TREM2: variants seen among roughly 807,000 people sequenced by gnomAD.
TREM2 encodes the protein triggering receptor expressed on myeloid cells 2.
Under a neutral mutation model 22.9 loss-of-function variants are expected in TREM2, and 20 were observed. The observed-to-expected ratio is 0.87, with a 90% CI of 0.61 to 1.27. TREM2 has a LOEUF of 1.27. Among genes scored for constraint, TREM2 ranks in the 50% most tolerant of loss-of-function variants. TREM2 has a pLI of 0.00. For synonymous variants in TREM2, 111 were observed against 120.9 expected (o/e 0.92, Z 0.54); for missense variants, 267 against 289.0 (o/e 0.92, Z 0.55).
rs760511786 is a variant in TREM2 at position 41,161,589 on chromosome 6, G to A, written c.65C>T (p.Thr22Ile). ...CTGGCCCGCCACGCCCTGGAACACT[G>A]TGGTGTTGTGGGCTCCGGACAGCTC... ...VTELSGAHNT[T>I]VFQGVAGQSL... is the part of the protein sequence containing the mutation. The change falls in exon 2 of 5, where the codon ACA becomes ATA. Residue 22 changes from threonine to isoleucine, a missense_variant. Thr to Ile is a moderately conservative substitution (Grantham distance 89). Coordinates refer to ENST00000373113, the MANE Select transcript of TREM2 (RefSeq NM_018965.4). 1.9e-6 allele frequency: 3 copies of A among 1,613,990 alleles called. No individual in the cohort carries two copies. Among genetic ancestry groups the A allele is most frequent in the Admixed American group, 3.3e-5 (2 of 59,998 alleles).
rs768583708 is a variant in TREM2 at position 41,158,608 on chromosome 6, C to A, written c.*156G>T. The A allele has an allele frequency of 6.1e-5, 96 of 1,568,310 alleles. 1 individual carries two copies. In the Middle Eastern group the frequency reaches 1.3e-3, roughly 22 times the overall value. On this transcript the variant is annotated 3_prime_UTR_variant, in exon 5 of 5. Coordinates refer to ENST00000373113, the MANE Select transcript of TREM2 (RefSeq NM_018965.4). ...CTTACCACCTCCCCACTCCCTCAACCAGTCCCTGCTTCCAGGGTCCAGGAG... is the reference window on the plus strand; with the variant it reads ...CTTACCACCTCCCCACTCCCTCAACAAGTCCCTGCTTCCAGGGTCCAGGAG...
chr6:41,160,044 G>C (rs1307844241), intron 2 of TREM2, among the ~76,000 whole-genome samples, 162 bp from the exon 3 acceptor site: 1 of 152,128 alleles, frequency 6.6e-6, no homozygotes, highest in African/African-American at 2.4e-5. Flanking sequence ...CACTTATAAA[G>C]TGGGCCGTTA....
chr6:41,161,754 T>C, intron 1 of TREM2, 141 bp from the exon 2 acceptor site: 1 of 747,114 alleles, frequency 1.3e-6, no homozygotes, highest in South Asian at 1.6e-5. Context: ...TGGCACAGCA[T>C]GTGTTTGTGG....
intron 3 of TREM2, among the ~76,000 whole-genome samples, chr6:41,159,461 A>G (rs962670771): frequency 1.3e-5 from 2 of 152,194 alleles, no homozygotes; most frequent in Non-Finnish European, 2.9e-5. Flanking sequence ...TTAGCTTTGT[A>G]CTAAAGTACT....
intron 1 of TREM2, 150 bp from the exon 2 acceptor site, chr6:41,161,763 G>A (rs909885625): frequency 2.8e-6 from 2 of 705,046 alleles, no homozygotes; most frequent in Non-Finnish European, 4.9e-6. Context: ...ATGTGTTTGT[G>A]GGAAATTGGG....
At chr6:41,162,909 T>A in intron 1 of TREM2, 134 bp downstream of exon 1, 1 of 1,129,866 alleles carries the variant, frequency 8.9e-7, no homozygotes, top group Non-Finnish European at 1.3e-6. Context: ...AGGAGAGGAG[T>A]GCAGAACAGG....
At position 41,161,424 on chromosome 6, in the gene TREM2, C is replaced by A; in HGVS notation, c.230G>T (p.Arg77Met). The A allele has an allele frequency of 1.9e-5, 30 of 1,614,276 alleles. No homozygotes were observed. Among genetic ancestry groups the A allele is most frequent in the Non-Finnish European group, 2.5e-5 (29 of 1,180,046 alleles). The change falls in exon 2 of 5, where the codon AGG (arginine) becomes ATG (methionine). Residue 77 changes from arginine (R) to methionine (M), a missense_variant. Coordinates refer to ENST00000373113, the MANE Select transcript of TREM2 (RefSeq NM_018965.4). ...TGTGATGGCTGTGCTCCCATTCCAC[C>A]TCCTCAGGAAGGACAGCAGCCACAA... ...HNLWLLSFLR[R>M]WNGSTAITDD...
intron 3 of TREM2, among the ~76,000 whole-genome samples, 191 bp from the exon 4 acceptor site, chr6:41,159,257 C>CA (rs1261653242): frequency 6.6e-6 from 1 of 152,190 alleles, no homozygotes; most frequent in African/African-American, 2.4e-5. Context: ...CATGCTCTGC[C>CA]ACTAACCTGC....
intron 2 of TREM2, among the ~76,000 whole-genome samples, chr6:41,160,720 C>A (rs1205034471): frequency 1.3e-5 from 2 of 152,168 alleles, no homozygotes; most frequent in Admixed American, 1.3e-4. Context: ...AGGACAGACA[C>A]CACCCTCTCC....
intron 2 of TREM2, among the ~76,000 whole-genome samples, chr6:41,160,557 C>T (rs1765535972): frequency 6.6e-6 from 1 of 151,920 alleles, no homozygotes; most frequent in African/African-American, 2.4e-5. Flanking sequence ...GCGCAGAGCT[C>T]GGGGGTGGAA....
At chr6:41,160,508 G>T (rs1307602712) in intron 2 of TREM2, among the ~76,000 whole-genome samples, 1 of 151,988 alleles carries the variant, frequency 6.6e-6, no homozygotes, top group African/African-American at 2.4e-5. Context: ...GTTGTGTTCT[G>T]CAGACTCAAG....
In TREM2 at chr6:41,161,590, T is replaced by C. The variant is rs776578102; in HGVS notation, c.64A>G (p.Thr22Ala). 1 of 1,613,748 alleles carries C rather than the reference T, an allele frequency of 6.2e-7. No individual in the cohort carries two copies. The highest frequency in any genetic ancestry group is 8.5e-7 in the Non-Finnish European group (1 of 1,179,906). ...VTELSGAHNT[T>A]VFQGVAGQSL... is the part of the protein sequence containing the mutation. Reference sequence around the variant, plus strand: ...TGGCCCGCCACGCCCTGGAACACTGTGGTGTTGTGGGCTCCGGACAGCTCT... The same window carrying C: ...TGGCCCGCCACGCCCTGGAACACTGCGGTGTTGTGGGCTCCGGACAGCTCT... The change falls in exon 2 of 5, where the codon ACA becomes GCA. Residue 22 changes from threonine to alanine, a missense_variant. Transcript: ENST00000373113.
In TREM2 at chr6:41,163,029, G is replaced by A. The variant is rs751174905; in HGVS notation, c.40+14C>T. 1.1e-5 allele frequency: 17 copies of A among 1,614,034 alleles called. 1 individual carries two copies. In the South Asian group the frequency reaches 1.1e-4, roughly 10 times the overall value. Reference sequence around the variant, plus strand: ...AGGGAGAGAAGGCATCACAGGGCACGGAGGGGATCCTACCTGTGACAAAGA... The same window carrying A: ...AGGGAGAGAAGGCATCACAGGGCACAGAGGGGATCCTACCTGTGACAAAGA... On this transcript the variant is annotated intron_variant, in intron 1 of 4. Transcript: ENST00000373113.
chr6:41,159,788 G>T lies in TREM2; in HGVS notation c.482+4C>A. On this transcript the variant is annotated splice_donor_region_variant and intron_variant, in intron 3 of 4. Coordinates refer to ENST00000373113, the MANE Select transcript of TREM2 (RefSeq NM_018965.4). ...CGGGTTTTAGGAAAGACCCATCGCT[G>T]TACCTGGAGATGCTGTGCTCCACAT... 6.2e-7 allele frequency: 1 copy of T among 1,613,858 alleles called. No homozygotes were observed. Among genetic ancestry groups the T allele is most frequent in the Admixed American group, 1.7e-5 (1 of 60,016 alleles).
At chr6:41,162,534 A>G (rs1188580422) in intron 1 of TREM2, among the ~76,000 whole-genome samples, 1 of 151,976 alleles carries the variant, frequency 6.6e-6, no homozygotes, top group African/African-American at 2.4e-5. Context: ...ATTCCCCTCA[A>G]CTCAGCAACG....
intron 1 of TREM2, among the ~76,000 whole-genome samples, chr6:41,162,604 G>C (rs1414509905): frequency 1.3e-5 from 2 of 152,222 alleles, no homozygotes; most frequent in East Asian, 1.9e-4. Flanking sequence ...CTTCAGAGCA[G>C]GGGAGAGAGT....
At chr6:41,160,931 G>A (rs1228380236) in intron 2 of TREM2, among the ~76,000 whole-genome samples, 2 of 152,212 alleles carry the variant, frequency 1.3e-5, no homozygotes, top group African/African-American at 4.8e-5. Flanking sequence ...ACTGGATGGA[G>A]ATGGATAAAG....
At position 41,158,727 on chromosome 6, in the gene TREM2, G is replaced by A; in HGVS notation, c.*37C>T. On this transcript the variant is annotated 3_prime_UTR_variant, in exon 5 of 5. Transcript: ENST00000373113. ...TATGCAGGCTGGGCTGGTCCCTGGT[G>A]GGACTTCTCCTGGGCTTTTCCTCCC... The A allele has an allele frequency of 1.9e-6, 3 of 1,614,216 alleles. No individual in the cohort carries two copies. Among genetic ancestry groups the A allele is most frequent in the Non-Finnish European group, 2.5e-6 (3 of 1,180,038 alleles).
At position 41,161,362 on chromosome 6, in the gene TREM2, G is replaced by T. The variant is rs147564421; in HGVS notation, c.292C>A (p.Arg98=). Residue 98 remains arginine, a synonymous_variant, in exon 2 of 5, where the codon CGG becomes AGG. Transcript: ENST00000373113. The part of the protein sequence containing the change: ...TLGGTLTITL[R]NLQPHDAGLY... ...CCCGCATCATGGGGTTGTAGATTCC[G>T]CAGCGTAATGGTGAGAGTGCCACCC... 3.8e-5 allele frequency: 62 copies of T among 1,614,104 alleles called. No homozygotes were observed. Among genetic ancestry groups the T allele is most frequent in the Non-Finnish European group, 5.2e-5 (61 of 1,180,040 alleles).
Sources: gnomAD v4.1 joint callset for allele counts (sites outside exome capture counted in the v4.1 genomes callset) on GRCh38, gnomAD v4.1.1 for gene constraint, MANE v1.5 for transcripts, NCBI Gene and HGNC (gene_info 2026-07-23, HGNC 2026-07-21) for gene names.